ARHGEF9: variants seen among roughly 807,000 people sequenced by gnomAD.
ARHGEF9 encodes rho guanine nucleotide exchange factor 9.
In ARHGEF9, 2 loss-of-function variants were observed where a neutral mutation model predicts 41.3. The observed-to-expected ratio is 0.05, with a 90% confidence interval of 0.02 to 0.15. The LOEUF (loss-of-function observed/expected upper bound fraction) is 0.15, where lower values mean the gene tolerates loss of function less well. Ranked by LOEUF, ARHGEF9 falls within the 10% of genes least tolerant of loss-of-function variation. The pLI, the probability that ARHGEF9 is intolerant of heterozygous loss-of-function variation, is 1.00. For synonymous variants in ARHGEF9, 160 were observed against 154.4 expected (o/e 1.04, Z -0.27); for missense variants, 225 against 424.7 (o/e 0.53, Z 4.13).
intron 4 of ARHGEF9, among the ~76,000 whole-genome samples, chrX:63,693,877 TA>T (rs1199910626): frequency 6.9e-4 from 71 of 103,358 alleles, no homozygotes; most frequent in Admixed American, 4.2e-3. Context: ...TGGCGAAAAT[TA>T]AAAAAAAAAA....
intron 7 of ARHGEF9, 127 bp from the exon 8 acceptor site, chrX:63,655,864 T>A: frequency 1.1e-6 from 1 of 902,304 alleles, no homozygotes; most frequent in Non-Finnish European, 1.6e-6. Context: ...TGGTTTGTTC[T>A]AAATTTGGCC....
intron 6 of ARHGEF9, among the ~76,000 whole-genome samples, chrX:63,670,892 C>T (rs1556354727): frequency 9.0e-6 from 1 of 111,655 alleles, no homozygotes; most frequent in Non-Finnish European, 1.9e-5. Flanking sequence ...GGCAAAGAGA[C>T]CAAGAATGTT....
chrX:63,712,539 T>C (rs1487609245), intron 2 of ARHGEF9, among the ~76,000 whole-genome samples: 2 of 111,613 alleles, frequency 1.8e-5, no homozygotes, highest in African/African-American at 6.5e-5. Flanking sequence ...AATATGTGTA[T>C]ACATATATAT....
chrX:63,778,017 T>C (rs189264107), intron 1 of ARHGEF9, among the ~76,000 whole-genome samples: 1 of 112,801 alleles, frequency 8.9e-6, no homozygotes, highest in East Asian at 2.8e-4. Context: ...CACTAGGCAG[T>C]GCCCCAGTGG....
At chrX:63,783,905 C>A (rs2056420215) in intron 1 of ARHGEF9, among the ~76,000 whole-genome samples, 1 of 111,623 alleles carries the variant, frequency 9.0e-6, no homozygotes, top group Non-Finnish European at 1.9e-5. Context: ...TCTTTTGAAG[C>A]CCCAGCACAT....
chrX:63,710,621 C>CA (rs1393265282), intron 2 of ARHGEF9, among the ~76,000 whole-genome samples: 1 of 110,172 alleles, frequency 9.1e-6, no homozygotes, highest in Non-Finnish European at 1.9e-5. Context: ...TTGCAAAATC[C>CA]AACACCCTTT....
intron 8 of ARHGEF9, 133 bp from the exon 9 acceptor site, chrX:63,644,181 A>G (rs2047837139): frequency 2.2e-6 from 1 of 460,122 alleles, no homozygotes; most frequent in Non-Finnish European, 3.5e-6. Context: ...AAAAAAAAAA[A>G]TCATTCCCTT....
chrX:63,638,209 C>G lies in ARHGEF9; in HGVS notation c.1391G>C (p.Gly464Ala). The G allele has an allele frequency of 8.5e-7, 1 of 1,179,326 alleles. No homozygotes were observed. Among genetic ancestry groups the G allele is most frequent in the Non-Finnish European group, 1.1e-6 (1 of 878,509 alleles). Residue 464 changes from glycine (G) to alanine (A), a missense_variant and splice_region_variant, in exon 10 of 10, where the codon GGT becomes GCT. Physicochemically the swap from Gly to Ala is moderately conservative, Grantham distance 60. Around this residue, in one of 3 missense-constraint regions of ARHGEF9, gnomAD observed 75 missense variants for 113.2 expected, o/e 0.66. Transcript: ENST00000671741. ...AGGAACTGAGCGGGCAGAGTTGACA[C>G]CTAGAGTAGATGAGAGATCAAAGGG... Reference protein sequence around the residue: ...MTVRKVPKQKGVNSARSVPPS... With the variant: ...MTVRKVPKQKAVNSARSVPPS...
intron 3 of ARHGEF9, among the ~76,000 whole-genome samples, chrX:63,705,357 ATGTGTGTGTGTGTGTGTG>A (rs58549005): frequency 1.7e-4 from 14 of 82,090 alleles, no homozygotes; most frequent in Admixed American, 1.1e-3. Context: ...ATAAGAGAGA[ATGTGTGTGTGTGTGTGTG>A]TGTGTGTGTG....
At chrX:63,680,904 C>T (rs781813917) in intron 4 of ARHGEF9, among the ~76,000 whole-genome samples, 6 of 111,342 alleles carry the variant, frequency 5.4e-5, no homozygotes, top group Non-Finnish European at 9.4e-5. Context: ...AAAAAACATG[C>T]CTGAGCCATG....
chrX:63,706,950 G>A (rs1331575552), intron 2 of ARHGEF9, among the ~76,000 whole-genome samples: 1 of 111,892 alleles, frequency 8.9e-6, no homozygotes, highest in Non-Finnish European at 1.9e-5. Flanking sequence ...ACTGGGATAG[G>A]GATGGGAGAA....
chrX:63,756,438 A>T (rs782376414), intron 1 of ARHGEF9, among the ~76,000 whole-genome samples: 1 of 112,658 alleles, frequency 8.9e-6, no homozygotes, highest in Admixed American at 9.3e-5. Context: ...CCAACAACTG[A>T]TGAATGGGTA....
chrX:63,712,529 AAT>A (rs1248904669), intron 2 of ARHGEF9, among the ~76,000 whole-genome samples: 2 of 111,756 alleles, frequency 1.8e-5, no homozygotes, highest in African/African-American at 6.5e-5. Flanking sequence ...ATCATTCCAC[AAT>A]ATGTGTATAC....
In ARHGEF9 at chrX:63,678,196, C is replaced by G. The variant is rs782670049; in HGVS notation, c.815+144G>C. The G allele has an allele frequency of 1.7e-5, 9 of 542,840 alleles. No homozygotes were observed. In the African/African-American group the frequency reaches 2.1e-4, roughly 12 times the overall value. 44.7% of individuals were successfully genotyped at this position (542,840 alleles called of 1,213,427 possible). A position where few individuals can be genotyped will look rare whatever the true frequency, so the allele number is the denominator to read the frequency against. On this transcript the variant is annotated intron_variant, in intron 5 of 9. Coordinates refer to ENST00000671741, the MANE Select transcript of ARHGEF9 (RefSeq NM_001353921.2). Reference sequence around the variant, plus strand: ...AGCTCTGCCTTCTGTACCCTGTTGGCTATGAGGCAATCAAGAATGTATCAT... The same window carrying G: ...AGCTCTGCCTTCTGTACCCTGTTGGGTATGAGGCAATCAAGAATGTATCAT...
chrX:63,715,950 T>A (rs1181203788), intron 2 of ARHGEF9: 2 of 111,856 alleles, frequency 1.8e-5, no homozygotes, highest in Admixed American at 1.9e-4. Context: ...TACTTTAAAA[T>A]GATTGAAATG....
intron 1 of ARHGEF9, among the ~76,000 whole-genome samples, chrX:63,752,874 T>A (rs1440586682): frequency 4.5e-5 from 5 of 111,855 alleles, no homozygotes; most frequent in Non-Finnish European, 7.5e-5. Flanking sequence ...ACATCAGACA[T>A]GAACAGCCAC....
At chrX:63,708,285 CAT>C (rs1442952508) in intron 2 of ARHGEF9, among the ~76,000 whole-genome samples, 1 of 112,199 alleles carries the variant, frequency 8.9e-6, no homozygotes, top group Non-Finnish European at 1.9e-5. Flanking sequence ...GAAAGGGTAA[CAT>C]AGGCAGGCCT....
chrX:63,755,174 C>T (rs1556445784), intron 1 of ARHGEF9: 39 of 937,533 alleles, frequency 4.2e-5, no homozygotes, highest in Non-Finnish European at 4.1e-5. Flanking sequence ...ACTGCGGGCG[C>T]TTGCGTGAGG....
At position 63,716,303 on chromosome X, in the gene ARHGEF9, AAAG is replaced by A. The variant is rs1247427604; in HGVS notation, c.210+8226_210+8228del. Among the ~76,000 whole-genome samples the A allele has an allele frequency of 5.4e-5, 6 of 110,986 alleles. 1 individual carries two copies. In the South Asian group the frequency reaches 1.5e-3, roughly 28 times the overall value. ...GATCCTGTCTCAAAGAAAAAAAAAA[AAAG>A]AAGAAGAAATTATGGAGAATGGGCT... is the stretch of plus-strand genomic sequence containing the variant. On this transcript the variant is annotated intron_variant, in intron 2 of 9. Transcript: ENST00000671741.
Sources: allele counts gnomAD v4.1 joint callset (sites outside exome capture counted in the v4.1 genomes callset), GRCh38; gene constraint gnomAD v4.1.1; regional missense constraint gnomAD v4.1.1; transcripts MANE v1.5; gene names NCBI Gene and HGNC (gene_info 2026-07-23, HGNC 2026-07-21).